Variants in UAP1 observed in about 807,000 individuals in gnomAD.
UAP1 encodes the protein UDP-N-acetylhexosamine pyrophosphorylase.
UAP1 carries 25 observed loss-of-function variants against 58.5 expected under a neutral mutation model. The ratio of observed to expected loss-of-function variants is 0.43; its 90% confidence interval spans 0.31 to 0.60. The LOEUF is 0.60. Among genes scored for constraint, UAP1 ranks in the 20% least tolerant of loss-of-function variants. The pLI, the probability that UAP1 is intolerant of heterozygous loss-of-function variation, is 0.11. For synonymous variants in UAP1, 208 were observed against 213.0 expected (o/e 0.98, Z 0.21); for missense variants, 575 against 630.0 (o/e 0.91, Z 0.93).
intron 9 of UAP1, among the ~76,000 whole-genome samples, chr1:162,596,733 CT>C (rs1655642960): frequency 6.6e-6 from 1 of 152,046 alleles, no homozygotes; most frequent in Non-Finnish European, 1.5e-5. Context: ...CTCAGAAGCC[CT>C]CTGATTTTTA....
intron 5 of UAP1, among the ~76,000 whole-genome samples, chr1:162,584,596 C>T (rs1355826482): frequency 1.3e-5 from 2 of 152,190 alleles, no homozygotes; most frequent in African/African-American, 4.8e-5. Flanking sequence ...GATCCTCTCA[C>T]CTCAGCCTCC....
At chr1:162,563,142 A>G (rs1456845128) in intron 1 of UAP1, among the ~76,000 whole-genome samples, 1 of 152,194 alleles carries the variant, frequency 6.6e-6, no homozygotes, top group African/African-American at 2.4e-5. Context: ...GCTGCTTACC[A>G]TTACACGTGC....
intron 8 of UAP1, 68 bp from the exon 9 acceptor site, chr1:162,592,664 C>T (rs1655387091): frequency 8.2e-7 from 1 of 1,224,114 alleles, no homozygotes; most frequent in East Asian, 2.5e-5. Context: ...GTATATTTTG[C>T]AACTCCATTT....
chr1:162,566,122 A>G (rs1653478047), exon 2 of UAP1: 2 of 1,613,080 alleles, frequency 1.2e-6, no homozygotes, highest in Admixed American at 1.7e-5. Flanking sequence ...AAGAGCACCT[A>G]CTACGTTTCT....
chr1:162,599,327 G>A, exon 11 of UAP1: 1 of 1,612,284 alleles, frequency 6.2e-7, no homozygotes, highest in East Asian at 2.2e-5. Context: ...TCATCGATGA[G>A]AATGGAGTTC....
intron 4 of UAP1, among the ~76,000 whole-genome samples, chr1:162,580,928 A>G (rs1050850471): frequency 6.6e-6 from 1 of 152,196 alleles, no homozygotes; most frequent in Non-Finnish European, 1.5e-5. Flanking sequence ...GCTAACTTGA[A>G]TCATACAAAT....
intron 2 of UAP1, among the ~76,000 whole-genome samples, chr1:162,569,472 T>A (rs1653721268): frequency 6.6e-6 from 1 of 152,246 alleles, no homozygotes; most frequent in Non-Finnish European, 1.5e-5. Context: ...GAAAATGGAA[T>A]GTAAAGGAGC....
chr1:162,583,629 T>C (rs888804862), intron 5 of UAP1, among the ~76,000 whole-genome samples: 1 of 151,944 alleles, frequency 6.6e-6, no homozygotes, highest in Admixed American at 6.6e-5. Flanking sequence ...TTTGTTTGTT[T>C]ATTTATTTAT....
chr1:162,577,814 G>A (rs1654298932), intron 3 of UAP1, among the ~76,000 whole-genome samples: 1 of 151,984 alleles, frequency 6.6e-6, no homozygotes, highest in Non-Finnish European at 1.5e-5. Context: ...GTTTCACCAT[G>A]TTGGTCAAGC....
At chr1:162,599,201 T>C (rs1427669970) in intron 10 of UAP1, 70 bp from the exon 11 acceptor site, 4 of 946,014 alleles carry the variant, frequency 4.2e-6, no homozygotes, top group Non-Finnish European at 6.5e-6. Flanking sequence ...AAATCATCAT[T>C]ATAGCAAGTC....
intron 5 of UAP1, among the ~76,000 whole-genome samples, chr1:162,584,120 T>G (rs1375736561): frequency 6.6e-6 from 1 of 152,238 alleles, no homozygotes; most frequent in Non-Finnish European, 1.5e-5. Flanking sequence ...CTAACTTTTG[T>G]GAGTACACTA....
At chr1:162,591,979 A>C (rs1185661070) in intron 8 of UAP1, among the ~76,000 whole-genome samples, 2 of 152,150 alleles carry the variant, frequency 1.3e-5, no homozygotes, top group African/African-American at 2.4e-5. Flanking sequence ...TGAAACCTTC[A>C]CTGGCACCTA....
chr1:162,587,797 A>G, intron 6 of UAP1, 129 bp downstream of exon 6: 2 of 899,184 alleles, frequency 2.2e-6, no homozygotes, highest in Non-Finnish European at 3.4e-6. Flanking sequence ...TCACTTATCA[A>G]ATGGACATTT....
chr1:162,598,998 A>AT (rs560764003), intron 10 of UAP1, among the ~76,000 whole-genome samples: 3 of 152,124 alleles, frequency 2.0e-5, no homozygotes, highest in East Asian at 1.9e-4. Context: ...AAAAAAAAAA[A>AT]GTTAACTCTG....
intron 8 of UAP1, among the ~76,000 whole-genome samples, chr1:162,591,992 A>C (rs1439201402): frequency 6.6e-6 from 1 of 152,148 alleles, no homozygotes; most frequent in African/African-American, 2.4e-5. Flanking sequence ...GGCACCTAGA[A>C]TTTCCCTTTC....
At chr1:162,595,192 C>T (rs1027070922) in intron 9 of UAP1, among the ~76,000 whole-genome samples, 14 of 152,120 alleles carry the variant, frequency 9.2e-5, no homozygotes, top group African/African-American at 3.4e-4. Flanking sequence ...CTTCTGTTTT[C>T]CCTCCTTCAG....
At chr1:162,586,142 A>G (rs1406806763) in intron 5 of UAP1, among the ~76,000 whole-genome samples, 2 of 152,184 alleles carry the variant, frequency 1.3e-5, no homozygotes, top group Non-Finnish European at 2.9e-5. Flanking sequence ...AGTTTTCTGG[A>G]TGAGACTGTT....
At chr1:162,574,852 A>G (rs987517493) in intron 2 of UAP1, among the ~76,000 whole-genome samples, 1 of 151,336 alleles carries the variant, frequency 6.6e-6, no homozygotes. Flanking sequence ...AGTTACATTT[A>G]TTTGCATTTG....
intron 3 of UAP1, among the ~76,000 whole-genome samples, chr1:162,577,730 G>A (rs1654293628): frequency 6.6e-6 from 1 of 151,870 alleles, no homozygotes; most frequent in Non-Finnish European, 1.5e-5. Context: ...TCCTGCCTCA[G>A]CCTCCTGAGT....
Sources: gnomAD v4.1 joint callset for allele counts (sites outside exome capture counted in the v4.1 genomes callset) on GRCh38, gnomAD v4.1.1 for gene constraint, MANE v1.5 for transcripts, NCBI Gene and HGNC (gene_info 2026-07-23, HGNC 2026-07-21) for gene names.